The following MON2 variants were observed in gnomAD, a reference collection of about 807,000 sequenced individuals.
The protein encoded by MON2 is MON2 regulator of endosome-to-Golgi trafficking.
In MON2, 84 loss-of-function variants were observed where a neutral mutation model predicts 208.6. The observed-to-expected ratio is 0.40, with a 90% CI of 0.34 to 0.48. MON2 has a LOEUF of 0.48. Ranked by LOEUF, MON2 falls within the 20% of genes least tolerant of loss-of-function variation. The pLI is 0.59. For synonymous variants in MON2, 660 were observed against 694.0 expected, an observed-to-expected ratio of 0.95 and a Z score of 0.77; for missense variants, 1,611 against 2,015.4, an observed-to-expected ratio of 0.80 and a Z score of 3.84.
At position 62,600,435 on chromosome 12, in the gene MON2, C is replaced by A. The variant is rs1190551458; in HGVS notation, c.*7686C>A. 6.6e-6 allele frequency: 1 copy of A among 152,226 alleles called. No homozygotes were observed. Among genetic ancestry groups the A allele is most frequent in the Admixed American group, 6.5e-5 (1 of 15,284 alleles). The allele number at this position is 152,226 out of a possible 1,614,324, so 9.4% of individuals were successfully genotyped here. A position where few individuals can be genotyped will look rare whatever the true frequency, so the allele number is the denominator to read the frequency against. On this transcript the variant is annotated 3_prime_UTR_variant, in exon 35 of 35. Coordinates refer to ENST00000393630, the MANE Select transcript of MON2 (RefSeq NM_015026.3). ...AGGAAACCGCATATATAAAATAATA[C>A]TGGATACAAGACTATACAATTAAAT...
rs2075538664 is a variant in MON2 at position 62,596,909 on chromosome 12, A to G, written c.*4160A>G. ...AATGCTCTAACAGTGTTGGCTATTT[A>G]AAAGAACATGTGGCAAGTTCTATAT... On this transcript the variant is annotated 3_prime_UTR_variant, in exon 35 of 35. Transcript: ENST00000393630. 6.6e-6 allele frequency: 1 copy of G among 152,236 alleles called. No individual in the cohort carries two copies. The highest frequency in any genetic ancestry group is 6.5e-5 in the Admixed American group (1 of 15,284). 9.4% of individuals were successfully genotyped at this position (152,236 alleles called of 1,614,324 possible).
At chr12:62,564,082 C>A (rs971936802) in intron 26 of MON2, among the ~76,000 whole-genome samples, 1 of 152,100 alleles carries the variant, frequency 6.6e-6, no homozygotes, top group Non-Finnish European at 1.5e-5. Flanking sequence ...CTTTTTACTA[C>A]TTTCTTACAT....
At chr12:62,485,447 T>A (rs1300975511) in intron 2 of MON2, among the ~76,000 whole-genome samples, 1 of 151,900 alleles carries the variant, frequency 6.6e-6, no homozygotes, top group Non-Finnish European at 1.5e-5. Context: ...GGGGCAAGAG[T>A]GGATTTCACT....
At chr12:62,510,340 A>G (rs1002422546) in intron 8 of MON2, among the ~76,000 whole-genome samples, 1 of 152,180 alleles carries the variant, frequency 6.6e-6, no homozygotes, top group African/African-American at 2.4e-5. Context: ...CAAGGAAAAA[A>G]AAACAGATCA....
At chr12:62,509,521 C>T (rs1044718715) in intron 8 of MON2, among the ~76,000 whole-genome samples, 1 of 152,140 alleles carries the variant, frequency 6.6e-6, no homozygotes, top group South Asian at 2.1e-4. Flanking sequence ...ACAAAGGACT[C>T]GAACAACACT....
intron 8 of MON2, among the ~76,000 whole-genome samples, chr12:62,518,308 T>C (rs1202229759): frequency 2.0e-5 from 3 of 152,230 alleles, no homozygotes; most frequent in Admixed American, 6.5e-5. Context: ...AGCATTGCTT[T>C]GCATACATTA....
chr12:62,544,739 C>T (rs1302827063), intron 20 of MON2, 159 bp from the exon 21 acceptor site: 2 of 1,523,022 alleles, frequency 1.3e-6, no homozygotes, highest in East Asian at 2.6e-5. Flanking sequence ...TTCTGTCTCT[C>T]TATTGCTTGC....
intron 29 of MON2, among the ~76,000 whole-genome samples, chr12:62,570,778 G>A (rs2074568881): frequency 7.2e-6 from 1 of 139,022 alleles, no homozygotes; most frequent in Non-Finnish European, 1.5e-5. Context: ...CTGTTGCCGG[G>A]CTGGAGTACA....
intron 22 of MON2, among the ~76,000 whole-genome samples, chr12:62,549,227 A>G (rs980446489): frequency 1.3e-5 from 2 of 152,168 alleles, no homozygotes; most frequent in Non-Finnish European, 2.9e-5. Flanking sequence ...AAATGTTAAA[A>G]TACTTTATGA....
At chr12:62,571,651 GTTGTCT>G in intron 30 of MON2, 69 bp downstream of exon 30, 1 of 1,278,924 alleles carries the variant, frequency 7.8e-7, no homozygotes, top group Non-Finnish European at 1.1e-6. Flanking sequence ...TCTAAAAACA[GTTGTCT>G]TTATTCATTA....
chr12:62,483,015 T>C (rs1371309197), intron 1 of MON2: 1 of 151,954 alleles, frequency 6.6e-6, no homozygotes, highest in Non-Finnish European at 1.5e-5. Context: ...GGCTGGGCAG[T>C]ACAGCAAGAT....
intron 25 of MON2, among the ~76,000 whole-genome samples, chr12:62,559,635 A>G (rs2074121595): frequency 6.6e-6 from 1 of 152,104 alleles, no homozygotes; most frequent in Non-Finnish European, 1.5e-5. Context: ...TTAAAAATAA[A>G]TTAGCCAGGC....
intron 8 of MON2, among the ~76,000 whole-genome samples, chr12:62,522,469 G>A (rs2072099149): frequency 6.6e-6 from 1 of 152,162 alleles, no homozygotes; most frequent in African/African-American, 2.4e-5. Flanking sequence ...AGATATCTAT[G>A]TGATATTGAG....
intron 2 of MON2, 86 bp downstream of exon 2, chr12:62,484,319 T>G (rs2069629549): frequency 1.2e-6 from 1 of 817,330 alleles, no homozygotes; most frequent in African/African-American, 1.7e-5. Flanking sequence ...GCCATCAGTT[T>G]TCTGTAACAT....
Position 62,580,313 on chromosome 12 carries a change from G to A in MON2, c.4592G>A (p.Ser1531Asn). The change falls in exon 32 of 35, where the codon AGC becomes AAC. Residue 1531 changes from serine (S) to asparagine (N), a missense_variant. By Grantham distance (46) the Ser-to-Asn change is conservative. Coordinates refer to ENST00000393630, the MANE Select transcript of MON2 (RefSeq NM_015026.3). ...NIDVEVVQLISNEILPYANFI... is the reference protein window; with the variant it reads ...NIDVEVVQLINNEILPYANFI... The stretch of plus-strand genomic sequence containing the variant: ...TTGTTTTAGGTAGTTCAACTTATCA[G>A]CAATGAGATACTACCTTATGCCAAT... 2 of 1,610,804 alleles carry A rather than the reference G, an allele frequency of 1.2e-6. No homozygotes were observed. Among genetic ancestry groups the A allele is most frequent in the South Asian group, 1.1e-5 (1 of 90,534 alleles).
chr12:62,580,704 G>A (rs1386678670), intron 32 of MON2, among the ~76,000 whole-genome samples: 2 of 152,142 alleles, frequency 1.3e-5, no homozygotes, highest in African/African-American at 4.8e-5. Flanking sequence ...ACTGCAAACT[G>A]TGAAGAATTA....
intron 1 of MON2, among the ~76,000 whole-genome samples, chr12:62,474,029 G>A (rs2068934728): frequency 1.3e-5 from 2 of 151,922 alleles, no homozygotes; most frequent in African/African-American, 2.4e-5. Flanking sequence ...TCTTTACTGA[G>A]TGTAGATCTG....
At chr12:62,524,399 T>G in intron 8 of MON2, 116 bp from the exon 9 acceptor site, 1 of 771,756 alleles carries the variant, frequency 1.3e-6, no homozygotes, top group South Asian at 2.1e-5. Context: ...AGAGTTTGAT[T>G]TCTAATCTAA....
At chr12:62,473,579 T>C (rs1350897377) in intron 1 of MON2, among the ~76,000 whole-genome samples, 1 of 152,162 alleles carries the variant, frequency 6.6e-6, no homozygotes, top group Non-Finnish European at 1.5e-5. Flanking sequence ...TCTTTTTGTT[T>C]CTATTTTTTG....
Sources: allele counts gnomAD v4.1 joint callset (sites outside exome capture counted in the v4.1 genomes callset), GRCh38; gene constraint gnomAD v4.1.1; transcripts MANE v1.5; gene names NCBI Gene and HGNC (gene_info 2026-07-23, HGNC 2026-07-21).